The following AHCYL2 variants were observed in gnomAD, a reference collection of about 807,000 sequenced individuals.
AHCYL2 encodes adenosylhomocysteinase like 2.
Under a neutral mutation model 81.4 loss-of-function variants are expected in AHCYL2, and 28 were observed. That is an observed-to-expected ratio of 0.34 (90% CI 0.25 to 0.47). AHCYL2 has a LOEUF of 0.47. AHCYL2 is among the 20% of genes least tolerant of loss of function. The pLI, the probability that AHCYL2 is intolerant of heterozygous loss-of-function variation, is 1.00. For synonymous variants in AHCYL2, 272 were observed against 290.2 expected, an observed-to-expected ratio of 0.94 and a Z score of 0.64; for missense variants, 551 against 785.1, an observed-to-expected ratio of 0.70 and a Z score of 3.56.
intron 12 of AHCYL2, among the ~76,000 whole-genome samples, chr7:129,421,726 C>T (rs1469463427): frequency 2.0e-5 from 3 of 152,184 alleles, no homozygotes; most frequent in East Asian, 3.8e-4. Flanking sequence ...ATTGGTACTT[C>T]CTTGGGGATA....
intron 1 of AHCYL2, among the ~76,000 whole-genome samples, chr7:129,321,739 CTTTGTT>C (rs1798022377): frequency 5.2e-5 from 2 of 38,736 alleles, no homozygotes; most frequent in African/African-American, 1.7e-4. Context: ...TGTATTCTTT[CTTTGTT>C]TTTTTTTTTT....
chr7:129,255,762 CAAG>C (rs1378188477), intron 1 of AHCYL2, among the ~76,000 whole-genome samples: 1 of 151,986 alleles, frequency 6.6e-6, no homozygotes, highest in Non-Finnish European at 1.5e-5. Context: ...GTTGGGAGTT[CAAG>C]ACCAGCCTGC....
rs1023732746 is a variant in AHCYL2, at chr7:129,379,677, C to T, written c.403C>T (p.Arg135Cys). The T allele has an allele frequency of 2.5e-6, 4 of 1,613,968 alleles. No homozygotes were observed. The highest frequency in any genetic ancestry group is 3.4e-6 in the Non-Finnish European group (4 of 1,180,002). Residue 135 changes from arginine (R) to cysteine (C), a missense_variant, in exon 2 of 17, where the codon CGT becomes TGT. This residue lies in a region of AHCYL2 where 235 missense variants were observed against 242.1 expected (regional missense o/e 0.97). Coordinates refer to ENST00000325006, the MANE Select transcript of AHCYL2 (RefSeq NM_015328.4). ...FADQKQEFNKRPTKIGRRSLS... is the reference protein window; with the variant it reads ...FADQKQEFNKCPTKIGRRSLS... ...TGACCAGAAGCAAGAATTCAACAAA[C>T]GTCCCACCAAAATTGGACGTCGCTC...
At chr7:129,316,541 T>C (rs1797829340) in intron 1 of AHCYL2, among the ~76,000 whole-genome samples, 1 of 152,210 alleles carries the variant, frequency 6.6e-6, no homozygotes, top group African/African-American at 2.4e-5. Context: ...GAGTTCTTTC[T>C]CTGGAGAAAT....
rs578211617 is a variant in AHCYL2 at position 129,313,647 on chromosome 7, AT to A, written c.364-65990del. On this transcript the variant is annotated intron_variant, in intron 1 of 16. Coordinates refer to ENST00000325006, the MANE Select transcript of AHCYL2 (RefSeq NM_015328.4). ...CGATAGTCAAGAAAAACAGATTGGG[AT>A]AGTACAAAAGGATCGTTTCCAGAGG... Among the ~76,000 whole-genome samples the A allele has an allele frequency of 5.8e-4, 89 of 152,330 alleles. No homozygotes were observed. The South Asian group carries it at 9.1e-3, about 16-fold the overall frequency.
chr7:129,404,550 C>T lies in AHCYL2; in HGVS notation c.1026-547C>T, dbSNP rs570809234. ...ATTAGCTGAGTGTGGTGGCGGGCGC[C>T]TATAATCCCAGCTACTCAGGAGTCT... On this transcript the variant is annotated intron_variant, in intron 7 of 16. Coordinates refer to ENST00000325006, the MANE Select transcript of AHCYL2 (RefSeq NM_015328.4). Among the ~76,000 whole-genome samples the T allele has an allele frequency of 2.0e-5, 3 of 152,268 alleles. No homozygotes were observed. In the East Asian group the frequency reaches 5.8e-4, roughly 29 times the overall value.
chr7:129,362,597 GTTTTT>G (rs769346623), intron 1 of AHCYL2, among the ~76,000 whole-genome samples: 41 of 63,646 alleles, frequency 6.4e-4, no homozygotes, highest in African/African-American at 2.0e-3. Context: ...TGGTTTTCTT[GTTTTT>G]TTTTTTTTTT....
At chr7:129,320,913 A>G (rs541909958) in intron 1 of AHCYL2, among the ~76,000 whole-genome samples, 1 of 152,312 alleles carries the variant, frequency 6.6e-6, no homozygotes, top group African/African-American at 2.4e-5. Context: ...GACTTAGCAC[A>G]TATCATTACT....
At chr7:129,357,933 CAA>C (rs1231126390) in intron 1 of AHCYL2, among the ~76,000 whole-genome samples, 19 of 83,308 alleles carry the variant, frequency 2.3e-4, no homozygotes, top group African/African-American at 1.8e-4. Context: ...GACTCCATCT[CAA>C]AAAAAAAAAA....
intron 1 of AHCYL2, among the ~76,000 whole-genome samples, chr7:129,314,351 TTGTA>T (rs1797761553): frequency 6.6e-6 from 1 of 152,252 alleles, no homozygotes; most frequent in Non-Finnish European, 1.5e-5. Flanking sequence ...TTTCACCAGA[TTGTA>T]AACTCATTGA....
Position 129,368,836 on chromosome 7 carries a change from T to C in AHCYL2, c.364-10802T>C, listed in dbSNP as rs1273119770. 6.6e-6 allele frequency among the ~76,000 whole-genome samples: 1 copy of C among 152,130 alleles called. No individual in the cohort carries two copies. Among genetic ancestry groups the C allele is most frequent in the African/African-American group, 2.4e-5 (1 of 41,420 alleles). ...TCCGGCTGCTGGTGTGATGTATGGG[T>C]TGTGTTTCCTGTGACTGTTTTGCAC... is the stretch of plus-strand genomic sequence containing the variant. On this transcript the variant is annotated intron_variant, in intron 1 of 16. Transcript: ENST00000325006. This position sits in a 1 kb window ranked among gnomAD's most constrained non-coding sequence, Gnocchi z 4.4.
intron 1 of AHCYL2, among the ~76,000 whole-genome samples, chr7:129,304,607 A>G (rs1797362218): frequency 6.6e-6 from 1 of 152,146 alleles, no homozygotes; most frequent in Non-Finnish European, 1.5e-5. Context: ...CTTCTTGCTG[A>G]ATTAACCCCT....
At chr7:129,346,305 G>GT (rs2150822926) in intron 1 of AHCYL2, among the ~76,000 whole-genome samples, 1 of 152,236 alleles carries the variant, frequency 6.6e-6, no homozygotes, top group Non-Finnish European at 1.5e-5. Context: ...CAGAGCCTCA[G>GT]TTTTTTCAAC....
At chr7:129,239,016 T>G (rs1584691533) in intron 1 of AHCYL2, among the ~76,000 whole-genome samples, 1 of 141,220 alleles carries the variant, frequency 7.1e-6, no homozygotes, top group African/African-American at 2.6e-5. Context: ...TTCACATTTT[T>G]GTGCAATCAG....
intron 1 of AHCYL2, among the ~76,000 whole-genome samples, chr7:129,266,064 C>CA (rs1407795336): frequency 2.0e-5 from 3 of 152,308 alleles, no homozygotes; most frequent in East Asian, 3.9e-4. Flanking sequence ...TGTATTGCTA[C>CA]AGTGACCTTC....
chr7:129,263,653 C>G (rs1407714295), intron 1 of AHCYL2, among the ~76,000 whole-genome samples: 2 of 152,138 alleles, frequency 1.3e-5, no homozygotes, highest in Non-Finnish European at 2.9e-5. Flanking sequence ...TGTCCTGGTT[C>G]CTGAAATTTT....
intron 1 of AHCYL2, among the ~76,000 whole-genome samples, chr7:129,317,708 C>G (rs933621194): frequency 6.6e-6 from 1 of 152,136 alleles, no homozygotes; most frequent in African/African-American, 2.4e-5. Context: ...GAACTGTGGT[C>G]CATACAATAG....
intron 1 of AHCYL2, among the ~76,000 whole-genome samples, chr7:129,318,413 T>C (rs1181696210): frequency 6.6e-6 from 1 of 152,184 alleles, no homozygotes; most frequent in Non-Finnish European, 1.5e-5. Flanking sequence ...AAAATTTTGG[T>C]AAAAAGCTTG....
At position 129,389,096 on chromosome 7, in the gene AHCYL2, C is replaced by T. The variant is rs1309332379; in HGVS notation, c.516C>T (p.Pro172=). The T allele has an allele frequency of 6.2e-7, 1 of 1,613,770 alleles. No homozygotes were observed. Residue 172 remains proline (P), a synonymous_variant, in exon 3 of 17, where the codon CCC becomes CCT. Coordinates refer to ENST00000325006, the MANE Select transcript of AHCYL2 (RefSeq NM_015328.4). ...YTDSSDDETS[P]RDKQQKNSKG... ...ATAGCTCTGATGATGAGACATCGCC[C>T]AGGGACAAGCAGCAAAAGAACTCTA...
Sources: allele counts gnomAD v4.1 joint callset (sites outside exome capture counted in the v4.1 genomes callset), GRCh38; gene constraint gnomAD v4.1.1; regional missense constraint gnomAD v4.1.1; non-coding constraint Gnocchi (gnomAD v3.1); transcripts MANE v1.5; gene names NCBI Gene and HGNC (gene_info 2026-07-23, HGNC 2026-07-21).